CDH13: variants seen among roughly 807,000 people sequenced by gnomAD.
The protein encoded by CDH13 is cadherin 13.
In CDH13, 24 loss-of-function variants were observed where a neutral mutation model predicts 63.8. That is an observed-to-expected ratio of 0.38 (90% CI 0.27 to 0.53). The LOEUF (loss-of-function observed/expected upper bound fraction) is 0.53. Among genes scored for constraint, CDH13 ranks in the 20% least tolerant of loss-of-function variants. The probability of loss-of-function intolerance (pLI) is 0.85; values close to 1 mark genes in which losing one functional copy is unlikely to be tolerated. For synonymous variants in CDH13, 503 were observed against 355.3 expected (o/e 1.42, Z -4.67); for missense variants, 1,049 against 903.1 (o/e 1.16, Z -2.07).
chr16:83,048,404 G>A (rs12934831), intron 3 of CDH13, among the ~76,000 whole-genome samples: 7,126 of 152,172 alleles, frequency 0.047, 232 homozygotes, highest in Middle Eastern at 0.082. Flanking sequence ...AGGTATTCAC[G>A]CTCCTGGACC....
chr16:83,581,761 A>G (rs944368775), intron 7 of CDH13, among the ~76,000 whole-genome samples: 2 of 152,186 alleles, frequency 1.3e-5, no homozygotes, highest in South Asian at 2.1e-4. Flanking sequence ...CAAGGCTGCA[A>G]TGAGCCAAAA....
At chr16:83,189,134 G>T (rs572786518) in intron 4 of CDH13, among the ~76,000 whole-genome samples, 2 of 152,122 alleles carry the variant, frequency 1.3e-5, no homozygotes, top group East Asian at 3.9e-4. Context: ...CTTTGTGATA[G>T]ATAAGGCAAA....
At chr16:83,257,866 C>A (rs1490205334) in intron 5 of CDH13, among the ~76,000 whole-genome samples, 1 of 152,188 alleles carries the variant, frequency 6.6e-6, no homozygotes, top group East Asian at 1.9e-4. Context: ...AATGGTTAAA[C>A]TCATTTACAC....
At chr16:83,359,981 T>C (rs2091131797) in intron 6 of CDH13, among the ~76,000 whole-genome samples, 1 of 152,230 alleles carries the variant, frequency 6.6e-6, no homozygotes, top group African/African-American at 2.4e-5. Flanking sequence ...ATACTTTGTG[T>C]TTCTATAAAT....
At chr16:83,578,286 G>T (rs557980283) in intron 7 of CDH13, among the ~76,000 whole-genome samples, 1 of 152,174 alleles carries the variant, frequency 6.6e-6, no homozygotes, top group African/African-American at 2.4e-5. Flanking sequence ...TCTCACAGCC[G>T]CGGGCTACTT....
intron 1 of CDH13, among the ~76,000 whole-genome samples, chr16:82,680,257 G>A (rs986591720): frequency 2.6e-5 from 4 of 152,192 alleles, no homozygotes; most frequent in Non-Finnish European, 4.4e-5. Context: ...GGCATTTACT[G>A]AGCACATCCT....
chr16:83,583,411 T>C (rs1005750298), intron 7 of CDH13, among the ~76,000 whole-genome samples: 32 of 152,210 alleles, frequency 2.1e-4, no homozygotes, highest in African/African-American at 7.7e-4. Flanking sequence ...CATTCTTAGT[T>C]CCTTTGATTT....
intron 2 of CDH13, among the ~76,000 whole-genome samples, chr16:83,027,183 T>A (rs1597169512): frequency 7.5e-6 from 1 of 133,508 alleles, no homozygotes; most frequent in African/African-American, 2.8e-5. Context: ...CTGAGCAAAG[T>A]GGAATTATTA....
intron 1 of CDH13, among the ~76,000 whole-genome samples, chr16:82,728,722 A>G (rs1185997809): frequency 2.0e-5 from 3 of 152,246 alleles, no homozygotes; most frequent in Non-Finnish European, 4.4e-5. Flanking sequence ...AGAAGACCAC[A>G]ATGAAGTTGT....
chr16:82,730,486 G>C (rs190551318), intron 1 of CDH13, among the ~76,000 whole-genome samples: 178 of 152,310 alleles, frequency 1.2e-3, no homozygotes, highest in Non-Finnish European at 2.0e-3. Context: ...TATTACGTTA[G>C]CCTTCTTGTA....
intron 4 of CDH13, among the ~76,000 whole-genome samples, chr16:83,187,145 G>T (rs1040661934): frequency 3.3e-5 from 5 of 151,868 alleles, no homozygotes; most frequent in African/African-American, 1.2e-4. Flanking sequence ...TAATTTTTAT[G>T]TTTTTAGTAG....
chr16:83,292,614 C>G (rs145027708), intron 5 of CDH13, among the ~76,000 whole-genome samples: 2,305 of 152,204 alleles, frequency 0.015, 21 homozygotes, highest in Non-Finnish European at 0.023. Flanking sequence ...TGAGGCCCAT[C>G]ACACACTCTC....
intron 2 of CDH13, among the ~76,000 whole-genome samples, chr16:82,989,307 TA>T (rs1234670874): frequency 1.3e-5 from 2 of 152,196 alleles, no homozygotes; most frequent in East Asian, 3.9e-4. Flanking sequence ...CAGACAAGCA[TA>T]TAGTTTGCAT....
At chr16:83,288,375 A>G (rs138964249) in intron 5 of CDH13, among the ~76,000 whole-genome samples, 234 of 152,344 alleles carry the variant, frequency 1.5e-3, no homozygotes, top group Non-Finnish European at 3.1e-3. Flanking sequence ...CCCAAGGTCT[A>G]CATGAGGTGG....
intron 8 of CDH13, among the ~76,000 whole-genome samples, chr16:83,656,380 A>C (rs1184448504): frequency 6.6e-6 from 1 of 152,126 alleles, no homozygotes; most frequent in Admixed American, 6.5e-5. Context: ...GATCATGTTA[A>C]GTTTGAGGTG....
chr16:82,672,010 C>A (rs1009157849), intron 1 of CDH13, among the ~76,000 whole-genome samples: 1 of 152,158 alleles, frequency 6.6e-6, no homozygotes, highest in African/African-American at 2.4e-5. Context: ...AGAATGGCAT[C>A]ATTTCCAGAA....
At chr16:83,644,637 A>G (rs1273182252) in intron 8 of CDH13, among the ~76,000 whole-genome samples, 7 of 152,158 alleles carry the variant, frequency 4.6e-5, no homozygotes. Flanking sequence ...AGCCTGCTCC[A>G]CTGCAAATGG....
Position 82,839,092 on chromosome 16 carries a change from G to T in CDH13, c.46-19270G>T, listed in dbSNP as rs142313213. On this transcript the variant is annotated intron_variant, in intron 1 of 13. Coordinates refer to ENST00000567109, the MANE Select transcript of CDH13 (RefSeq NM_001257.5). ...CTGACAATAGGCTAAGATGTGGCCC[G>T]TGGGCTTTGGTTTGCCAATCAATGG... 8.5e-5 allele frequency among the ~76,000 whole-genome samples: 13 copies of T among 152,206 alleles called. No individual in the cohort carries two copies. In the East Asian group the frequency reaches 1.3e-3, roughly 16 times the overall value.
intron 1 of CDH13, among the ~76,000 whole-genome samples, chr16:82,721,370 T>A (rs930338058): frequency 4.6e-5 from 7 of 151,842 alleles, no homozygotes; most frequent in Non-Finnish European, 8.8e-5. Context: ...AAGAAACCAG[T>A]TGGGAAAGTT....
Sources: allele counts gnomAD v4.1 joint callset (sites outside exome capture counted in the v4.1 genomes callset), GRCh38; gene constraint gnomAD v4.1.1; transcripts MANE v1.5; gene names NCBI Gene and HGNC (gene_info 2026-07-23, HGNC 2026-07-21).